GLI2: variants seen among roughly 807,000 people sequenced by gnomAD.
GLI2 encodes transcription activator GLI2.
A neutral mutation model predicts 78.9 loss-of-function variants in GLI2; 22 were observed. The observed-to-expected ratio is 0.28, with a 90% CI of 0.20 to 0.40. The LOEUF (loss-of-function observed/expected upper bound fraction) is 0.40, where lower values mean the gene tolerates loss of function less well. Ranked by LOEUF, GLI2 falls within the 10% of genes least tolerant of loss-of-function variation. The pLI, the probability that GLI2 is intolerant of heterozygous loss-of-function variation, is 1.00. For missense variants in GLI2, 2,097 were observed against 2,213.2 expected, an observed-to-expected ratio of 0.95 and a Z score of 1.05; for synonymous variants, 974 against 963.7, an observed-to-expected ratio of 1.01 and a Z score of -0.20.
At chr2:120,748,650 C>T (rs553861152) in intron 1 of GLI2, among the ~76,000 whole-genome samples, 2 of 152,236 alleles carry the variant, frequency 1.3e-5, no homozygotes, top group South Asian at 2.1e-4. Context: ...AGGTTCTTTC[C>T]GAGGCTGGAA....
chr2:120,863,828 G>A (rs141956131), intron 2 of GLI2, among the ~76,000 whole-genome samples: 9 of 152,318 alleles, frequency 5.9e-5, no homozygotes, highest in Admixed American at 1.3e-4. Flanking sequence ...ACAGGAGGGC[G>A]AGGCCGAGGC....
intron 1 of GLI2, among the ~76,000 whole-genome samples, chr2:120,753,926 A>AG (rs1173106580): frequency 6.6e-6 from 1 of 151,996 alleles, no homozygotes; most frequent in Non-Finnish European, 1.5e-5. Context: ...AAAAAAAAAA[A>AG]AAAAAACAAC....
At position 120,735,891 on chromosome 2, in the gene GLI2, G is replaced by A. The variant is rs907951348; in HGVS notation, c.-425G>A. Among the ~76,000 whole-genome samples, 2 of 152,034 alleles carry A rather than the reference G, an allele frequency of 1.3e-5. No individual in the cohort carries two copies. The highest frequency in any genetic ancestry group is 1.3e-4 in the Admixed American group (2 of 15,290). Reference sequence around the variant, plus strand: ...GCGCTGATGGATTGCAGAAGTGCCGGCGCTTGCCAGCCGAGGCAGCACGGC... The same window carrying A: ...GCGCTGATGGATTGCAGAAGTGCCGACGCTTGCCAGCCGAGGCAGCACGGC... On this transcript the variant is annotated 5_prime_UTR_variant, in exon 1 of 14. Coordinates refer to ENST00000361492, the MANE Select transcript of GLI2 (RefSeq NM_001374353.1).
In GLI2 at chr2:120,965,349, G is replaced by A. The variant is rs114945687; in HGVS notation, c.644-3365G>A. Among the ~76,000 whole-genome samples, 775 of 142,154 alleles carry A rather than the reference G, an allele frequency of 5.5e-3. 7 individuals are homozygous for A. Among genetic ancestry groups the A allele is most frequent in the African/African-American group, 0.023 (748 of 33,228 alleles). 93.3% of individuals were successfully genotyped at this position (142,154 alleles called of 152,430 possible). On this transcript the variant is annotated intron_variant, in intron 5 of 13. Coordinates refer to ENST00000361492, the MANE Select transcript of GLI2 (RefSeq NM_001374353.1). ...AGGATGCAGATGCTGCAGCAAAGGG[G>A]CACACTCCAGCCGGGATGCAGATGC...
rs185089059 is a variant in GLI2, at chr2:120,836,548, C to G, written c.148+39080C>G. 2.0e-5 allele frequency among the ~76,000 whole-genome samples: 3 copies of G among 152,282 alleles called. No individual in the cohort carries two copies. In the East Asian group the frequency reaches 5.8e-4, roughly 29 times the overall value. ...TGTTGCCATGGGTGGCACACCTCCC[C>G]CTGTGTCCCTGTGGGAGAACTTTCT... On this transcript the variant is annotated intron_variant, in intron 2 of 13. Coordinates refer to ENST00000361492, the MANE Select transcript of GLI2 (RefSeq NM_001374353.1).
At chr2:120,765,214 G>A (rs1473251185) in intron 1 of GLI2, among the ~76,000 whole-genome samples, 1 of 152,194 alleles carries the variant, frequency 6.6e-6, no homozygotes, top group Non-Finnish European at 1.5e-5. Context: ...TGTGCCCTCA[G>A]GGGACAAAAC....
chr2:120,929,083 G>A (rs1234882759), intron 3 of GLI2, among the ~76,000 whole-genome samples: 1 of 152,126 alleles, frequency 6.6e-6, no homozygotes, highest in African/African-American at 2.4e-5. Context: ...AAAGAGTACT[G>A]GCCAGTTACT....
rs555276367 is a variant in GLI2, at chr2:120,787,384, C to T, written c.-30-9907C>T. Among the ~76,000 whole-genome samples, 3 of 152,312 alleles carry T rather than the reference C, an allele frequency of 2.0e-5. No homozygotes were observed. In the East Asian group the frequency reaches 5.8e-4, roughly 29 times the overall value. On this transcript the variant is annotated intron_variant, in intron 1 of 13. Transcript: ENST00000361492. ...CTCAGAGTCTCCTGCAAGGATTTTC[C>T]ACCCTCAGTGGCCCTTGGTCCTTGC...
At chr2:120,912,728 G>A (rs1310080081) in intron 2 of GLI2, among the ~76,000 whole-genome samples, 2 of 152,118 alleles carry the variant, frequency 1.3e-5, no homozygotes, top group South Asian at 4.2e-4. Flanking sequence ...TGCTTTCTGC[G>A]GACCCTCTTA....
chr2:120,756,964 G>A lies in GLI2; in HGVS notation c.-31+20679G>A, dbSNP rs143513018. ...AATGTTTTATTCTGTTTATAATACCGGATAGTTTTTGTTGCTATTTCTTCA... is the reference window on the plus strand; with the variant it reads ...AATGTTTTATTCTGTTTATAATACCAGATAGTTTTTGTTGCTATTTCTTCA... On this transcript the variant is annotated intron_variant, in intron 1 of 13. Transcript: ENST00000361492. Among the ~76,000 whole-genome samples the A allele has an allele frequency of 1.8e-4, 28 of 152,120 alleles. No individual in the cohort carries two copies. In the East Asian group the frequency reaches 3.7e-3, roughly 20 times the overall value.
At chr2:120,938,176 C>T (rs1488380620) in intron 3 of GLI2, among the ~76,000 whole-genome samples, 1 of 152,190 alleles carries the variant, frequency 6.6e-6, no homozygotes, top group African/African-American at 2.4e-5. Context: ...CCGACTCCCC[C>T]AGGGCCTCCT....
chr2:120,829,344 T>C (rs2104764965), intron 2 of GLI2, among the ~76,000 whole-genome samples: 1 of 152,308 alleles, frequency 6.6e-6, no homozygotes, highest in East Asian at 1.9e-4. Context: ...GTGTCTTAAG[T>C]TTCTGACCAG....
At position 120,988,554 on chromosome 2, in the gene GLI2, C is replaced by A. The variant is rs745923540; in HGVS notation, c.2589C>A (p.Asn863Lys). The part of the protein sequence containing the change: ...SQCSGGSGLL[N>K]LTPAQQYSLR... ...GCAGCGGCGGCTCCGGGCTGCTCAA[C>A]CTCACGCCGGCGCAGCAGTACAGCC... Residue 863 changes from asparagine (N) to lysine (K), a missense_variant, in exon 14 of 14, where the codon AAC becomes AAA. Coordinates refer to ENST00000361492, the MANE Select transcript of GLI2 (RefSeq NM_001374353.1). 2.1e-5 allele frequency: 32 copies of A among 1,501,662 alleles called. No homozygotes were observed. In the Admixed American group the frequency reaches 6.3e-4, roughly 30 times the overall value. The allele number at this position is 1,501,662 out of a possible 1,614,324, so 93.0% of individuals were successfully genotyped here. A position where few individuals can be genotyped will look rare whatever the true frequency, so the allele number is the denominator to read the frequency against.
chr2:120,977,399 TC>T (rs769762307), intron 9 of GLI2, among the ~76,000 whole-genome samples: 3 of 152,242 alleles, frequency 2.0e-5, no homozygotes, highest in Non-Finnish European at 2.9e-5. Context: ...TATTGTATAT[TC>T]TTTTTTTTCC....
chr2:120,948,814 ATCTGAT>A (rs1472957496), intron 3 of GLI2, among the ~76,000 whole-genome samples: 1 of 152,200 alleles, frequency 6.6e-6, no homozygotes, highest in Non-Finnish European at 1.5e-5. Context: ...GGCCACCGGC[ATCTGAT>A]TACAGGCTAC....
rs537719682 is a variant in GLI2 at position 120,910,530 on chromosome 2, T to C, written c.149-16831T>C. Among the ~76,000 whole-genome samples the C allele has an allele frequency of 1.9e-3, 282 of 152,266 alleles. 2 individuals carry two copies. The highest frequency in any genetic ancestry group is 6.6e-3 in the African/African-American group (273 of 41,536). ...ATTAATCAGCGCAGAACCAAGTGGG[T>C]GCTTTTTCTGAACTGCAATCACTCT... On this transcript the variant is annotated intron_variant, in intron 2 of 13. Transcript: ENST00000361492.
chr2:120,958,253 A>G (rs1681372170), intron 5 of GLI2, among the ~76,000 whole-genome samples: 3 of 152,204 alleles, frequency 2.0e-5, no homozygotes. Flanking sequence ...AGTGCCTGGC[A>G]TCTAGCAGGT....
At chr2:120,773,172 G>T (rs774105675) in intron 1 of GLI2, among the ~76,000 whole-genome samples, 1 of 152,156 alleles carries the variant, frequency 6.6e-6, no homozygotes, top group South Asian at 2.1e-4. Flanking sequence ...TAGACTGCTC[G>T]AAGTGTAACA....
At chr2:120,774,849 C>G (rs1471072831) in intron 1 of GLI2, among the ~76,000 whole-genome samples, 1 of 152,212 alleles carries the variant, frequency 6.6e-6, no homozygotes, top group Non-Finnish European at 1.5e-5. Context: ...ACCTTTGCTT[C>G]CTCTGAGGGG....
Sources: allele counts gnomAD v4.1 joint callset (sites outside exome capture counted in the v4.1 genomes callset), GRCh38; gene constraint gnomAD v4.1.1; transcripts MANE v1.5; gene names NCBI Gene and HGNC (gene_info 2026-07-23, HGNC 2026-07-21).